WASL: variants seen among roughly 807,000 people sequenced by gnomAD.
The protein encoded by WASL is WASP like actin nucleation promoting factor.
In WASL, 20 loss-of-function variants were observed where a neutral mutation model predicts 55.5. The observed-to-expected ratio is 0.36, with a 90% CI of 0.25 to 0.52. The LOEUF is 0.52. WASL is among the 20% of genes least tolerant of loss of function. WASL has a pLI of 0.92. For missense variants in WASL, 504 were observed against 622.5 expected, an observed-to-expected ratio of 0.81 and a Z score of 2.03; for synonymous variants, 249 against 217.6, an observed-to-expected ratio of 1.14 and a Z score of -1.27.
chr7:123,712,159 G>C (rs6466883), intron 1 of WASL, among the ~76,000 whole-genome samples: 1 of 150,042 alleles, frequency 6.7e-6, no homozygotes, highest in South Asian at 2.1e-4. Flanking sequence ...GGTTTGTTTG[G>C]TTTTTTTTTC....
intron 5 of WASL, among the ~76,000 whole-genome samples, chr7:123,700,391 G>A (rs1362095158): frequency 1.3e-5 from 2 of 151,324 alleles, no homozygotes; most frequent in African/African-American, 4.9e-5. Flanking sequence ...AAGCAAAAGT[G>A]TATTCTGATA....
chr7:123,715,401 C>G (rs1360658014), intron 1 of WASL, among the ~76,000 whole-genome samples: 1 of 152,154 alleles, frequency 6.6e-6, no homozygotes, highest in African/African-American at 2.4e-5. Context: ...ACCAGCAGAC[C>G]AATCACTCAA....
intron 1 of WASL, among the ~76,000 whole-genome samples, chr7:123,741,882 T>C (rs980097674): frequency 1.3e-5 from 2 of 152,280 alleles, no homozygotes; most frequent in African/African-American, 4.8e-5. Context: ...TAGCTCCAAT[T>C]CTATATGTTA....
At chr7:123,735,105 A>C (rs1458974363) in intron 1 of WASL, among the ~76,000 whole-genome samples, 1 of 150,980 alleles carries the variant, frequency 6.6e-6, no homozygotes, top group African/African-American at 2.4e-5. Context: ...AGTGACTACA[A>C]TGAATACACA....
intron 1 of WASL, among the ~76,000 whole-genome samples, chr7:123,730,325 T>C (rs1396484172): frequency 6.6e-6 from 1 of 152,134 alleles, no homozygotes; most frequent in Non-Finnish European, 1.5e-5. Context: ...ATTGATCTCA[T>C]AGAAAATAGT....
intron 1 of WASL, among the ~76,000 whole-genome samples, chr7:123,728,355 T>C (rs1165172627): frequency 6.6e-6 from 1 of 152,152 alleles, no homozygotes; most frequent in Non-Finnish European, 1.5e-5. Flanking sequence ...TTAGAAATTG[T>C]CATAAAAGAA....
rs760736884 is a variant in WASL, at chr7:123,683,361, A to G, written c.*1158T>C. ...TATGCATAACAAATGTGCAGGTTGT[A>G]AAGTTTTATCTTTAAAAAAAAAAAA... On this transcript the variant is annotated 3_prime_UTR_variant, in exon 11 of 11. Transcript: ENST00000223023. 50 of 151,954 alleles carry G rather than the reference A, an allele frequency of 3.3e-4. No homozygotes were observed. The highest frequency in any genetic ancestry group is 6.5e-4 in the Non-Finnish European group (44 of 67,896). 9.4% of individuals were successfully genotyped at this position (151,954 alleles called of 1,614,324 possible).
intron 7 of WASL, among the ~76,000 whole-genome samples, chr7:123,695,184 C>A (rs1803471726): frequency 6.6e-6 from 1 of 152,024 alleles, no homozygotes; most frequent in African/African-American, 2.4e-5. Flanking sequence ...CAGGAATAAA[C>A]ACAAAAAAAG....
At chr7:123,731,412 A>C (rs544336545) in intron 1 of WASL, among the ~76,000 whole-genome samples, 16 of 152,202 alleles carry the variant, frequency 1.1e-4, no homozygotes, top group African/African-American at 3.9e-4. Context: ...GTGGGCAAAA[A>C]ATCAGGAAGG....
chr7:123,733,851 A>G (rs1804180739), intron 1 of WASL, among the ~76,000 whole-genome samples: 1 of 151,642 alleles, frequency 6.6e-6, no homozygotes, highest in South Asian at 2.1e-4. Context: ...AGCAAAGGCA[A>G]TCCAATAAAG....
chr7:123,685,096 T>C (rs759619385), intron 10 of WASL, among the ~76,000 whole-genome samples: 3 of 151,892 alleles, frequency 2.0e-5, no homozygotes, highest in Non-Finnish European at 4.4e-5. Flanking sequence ...TTTTCACCTC[T>C]TTCACTGCTA....
At chr7:123,724,681 T>C (rs1251115820) in intron 1 of WASL, among the ~76,000 whole-genome samples, 1 of 152,208 alleles carries the variant, frequency 6.6e-6, no homozygotes, top group Non-Finnish European at 1.5e-5. Context: ...TAGAATCGTA[T>C]TGATTACTGC....
At position 123,683,758 on chromosome 7, in the gene WASL, A is replaced by G. The variant is rs531755466; in HGVS notation, c.*761T>C. On this transcript the variant is annotated 3_prime_UTR_variant, in exon 11 of 11. Coordinates refer to ENST00000223023, the MANE Select transcript of WASL (RefSeq NM_003941.4). The stretch of plus-strand genomic sequence containing the variant: ...TCCAACTTAAATTTTGTTTCAGAGT[A>G]ATACCAAAAAAATTTTCAAAAATTT... 6.6e-6 allele frequency: 1 copy of G among 152,146 alleles called. No individual in the cohort carries two copies. Among genetic ancestry groups the G allele is most frequent in the Non-Finnish European group, 1.5e-5 (1 of 67,922 alleles). The allele number at this position is 152,146 out of a possible 1,614,324, so 9.4% of individuals were successfully genotyped here. A position where few individuals can be genotyped will look rare whatever the true frequency, so the allele number is the denominator to read the frequency against.
chr7:123,706,492 G>A, intron 3 of WASL, 119 bp from the exon 4 acceptor site: 1 of 941,998 alleles, frequency 1.1e-6, no homozygotes, highest in Non-Finnish European at 1.6e-6. Context: ...TTTACTAGCA[G>A]ATAAGACATT....
chr7:123,688,859 T>A (rs560932159), intron 10 of WASL, among the ~76,000 whole-genome samples, 183 bp downstream of exon 10: 9 of 152,272 alleles, frequency 5.9e-5, no homozygotes, highest in African/African-American at 1.9e-4. Context: ...GAGAGACTAG[T>A]CACACAGGCA....
intron 1 of WASL, among the ~76,000 whole-genome samples, chr7:123,718,434 C>T (rs1444802342): frequency 1.3e-5 from 2 of 152,094 alleles, no homozygotes; most frequent in African/African-American, 4.8e-5. Flanking sequence ...GTGATCTTAT[C>T]CATTTAAGAA....
chr7:123,712,481 C>T (rs1291817011), intron 1 of WASL, among the ~76,000 whole-genome samples: 1 of 151,996 alleles, frequency 6.6e-6, no homozygotes, highest in East Asian at 1.9e-4. Context: ...AACTTATTCT[C>T]ATGTTATTCA....
chr7:123,695,599 T>C (rs551480089), intron 7 of WASL, among the ~76,000 whole-genome samples: 14 of 152,238 alleles, frequency 9.2e-5, no homozygotes, highest in African/African-American at 3.4e-4. Flanking sequence ...ATTTATACAG[T>C]GTATAAAGCC....
intron 9 of WASL, among the ~76,000 whole-genome samples, chr7:123,690,738 T>C (rs1288652101): frequency 1.3e-5 from 2 of 152,098 alleles, no homozygotes; most frequent in Non-Finnish European, 2.9e-5. Context: ...TTAAAAATTT[T>C]AAATCACCTT....
Sources: gnomAD v4.1 joint callset for allele counts (sites outside exome capture counted in the v4.1 genomes callset) on GRCh38, gnomAD v4.1.1 for gene constraint, MANE v1.5 for transcripts, NCBI Gene and HGNC (gene_info 2026-07-23, HGNC 2026-07-21) for gene names.